RAB11FIP3: variants seen among roughly 807,000 people sequenced by gnomAD.
RAB11FIP3 encodes RAB11 family interacting protein 3, also known as rab11 family-interacting protein 3.
In RAB11FIP3, 17 loss-of-function variants were observed where a neutral mutation model predicts 77.8. The ratio of observed to expected loss-of-function variants is 0.22; its 90% CI spans 0.15 to 0.33. RAB11FIP3 has a LOEUF of 0.33. RAB11FIP3 is among the 10% of genes least tolerant of loss of function. The pLI is 1.00. For synonymous variants in RAB11FIP3, 437 were observed against 448.2 expected, an observed-to-expected ratio of 0.98 and a Z score of 0.31; for missense variants, 1,005 against 1,011.2, an observed-to-expected ratio of 0.99 and a Z score of 0.08.
At chr16:450,310 C>T (rs912612457) in intron 1 of RAB11FIP3, among the ~76,000 whole-genome samples, 1 of 152,060 alleles carries the variant, frequency 6.6e-6, no homozygotes, top group African/African-American at 2.4e-5. Flanking sequence ...GCTGGGACCA[C>T]AAGCATGCAC....
intron 1 of RAB11FIP3, among the ~76,000 whole-genome samples, chr16:456,924 A>G (rs2141632588): frequency 6.6e-6 from 1 of 151,898 alleles, no homozygotes; most frequent in Non-Finnish European, 1.5e-5. Context: ...CTTCAGTGCC[A>G]TTGGGAGATA....
Position 426,233 on chromosome 16 carries a change from C to T in RAB11FIP3, c.227C>T (p.Pro76Leu), listed in dbSNP as rs2054938924. 9.4e-7 allele frequency: 1 copy of T among 1,059,124 alleles called. No individual in the cohort carries two copies. Among genetic ancestry groups the T allele is most frequent in the Non-Finnish European group, 1.1e-6 (1 of 879,332 alleles). 65.6% of individuals were successfully genotyped at this position (1,059,124 alleles called of 1,614,324 possible). A position where few individuals can be genotyped will look rare whatever the true frequency, so the allele number is the denominator to read the frequency against. ...GGARWSAGPA[P>L]GLEGGPRDPG... ...GCGCGTTGGAGCGCCGGGCCGGCCC[C>T]GGGGCTGGAGGGAGGCCCGCGAGAC... Residue 76 changes from proline (P) to leucine (L), a missense_variant, in exon 1 of 14, where the codon CCG (proline) becomes CTG (leucine). Pro to Leu is a moderately conservative substitution (Grantham distance 98, BLOSUM62 -3). This residue lies in a region of RAB11FIP3 where 466 missense variants were observed against 408.3 expected (regional missense o/e 1.14). Transcript: ENST00000262305. This position sits in a 1 kb window ranked among gnomAD's most constrained non-coding sequence, Gnocchi z 5.0.
intron 9 of RAB11FIP3, among the ~76,000 whole-genome samples, chr16:513,475 T>G (rs1006718491): frequency 6.6e-6 from 1 of 152,202 alleles, no homozygotes; most frequent in Non-Finnish European, 1.5e-5. Context: ...CACCTTGGCC[T>G]CTTTTTGTTG....
intron 4 of RAB11FIP3, among the ~76,000 whole-genome samples, chr16:484,339 C>T (rs1050646565): frequency 2.0e-5 from 3 of 151,526 alleles, no homozygotes; most frequent in Non-Finnish European, 4.4e-5. Context: ...CTTGCTGTTG[C>T]GCTTGTGGAT....
chr16:439,469 A>G (rs2055189532), intron 1 of RAB11FIP3: 1 of 152,244 alleles, frequency 6.6e-6, no homozygotes, highest in East Asian at 1.9e-4. Context: ...CATAAGTTTC[A>G]AAACAGGGCT....
At chr16:446,962 G>A (rs1197727688) in intron 1 of RAB11FIP3, among the ~76,000 whole-genome samples, 1 of 149,918 alleles carries the variant, frequency 6.7e-6, no homozygotes, top group East Asian at 2.0e-4. Context: ...GCCTCCCAAA[G>A]TGCTGGGATT....
Position 454,513 on chromosome 16 carries a change from T to C in RAB11FIP3, c.715-6891T>C, listed in dbSNP as rs554198100. Among the ~76,000 whole-genome samples the C allele has an allele frequency of 9.2e-5, 14 of 152,098 alleles. No homozygotes were observed. The South Asian group carries it at 2.9e-3, about 32-fold the overall frequency. On this transcript the variant is annotated intron_variant, in intron 1 of 13. Transcript: ENST00000262305. The stretch of plus-strand genomic sequence containing the variant: ...GATTGGCCGAGTCTAGTCGTTCACA[T>C]CTAGCGTGGGAAACATGTTGTAGAC...
At chr16:452,899 C>T (rs1318757939) in intron 1 of RAB11FIP3, among the ~76,000 whole-genome samples, 6 of 63,420 alleles carry the variant, frequency 9.5e-5, no homozygotes, top group South Asian at 4.7e-4. Context: ...GGACTACAGG[C>T]GCCCGCCACC....
At chr16:496,779 C>T (rs747324905) in intron 5 of RAB11FIP3, 45 bp from the exon 6 acceptor site, 25 of 1,539,378 alleles carry the variant, frequency 1.6e-5, no homozygotes. Context: ...CTGCTCCTCT[C>T]TGTCTGTTCT....
chr16:521,156 C>A lies in RAB11FIP3; in HGVS notation c.*317C>A. The stretch of plus-strand genomic sequence containing the variant: ...AGCCCTGAGTCAAGCTGGCCATGAA[C>A]GCGTACACTTCAGTTCAGCAGGATG... On this transcript the variant is annotated 3_prime_UTR_variant, in exon 14 of 14. Transcript: ENST00000262305. 2.3e-6 allele frequency: 1 copy of A among 443,214 alleles called. No individual in the cohort carries two copies. The highest frequency in any genetic ancestry group is 4.2e-6 in the Non-Finnish European group (1 of 239,656). 27.5% of individuals were successfully genotyped at this position (443,214 alleles called of 1,614,324 possible).
chr16:454,663 T>C (rs2055467052), intron 1 of RAB11FIP3, among the ~76,000 whole-genome samples: 1 of 152,204 alleles, frequency 6.6e-6, no homozygotes, highest in African/African-American at 2.4e-5. Context: ...CCAAGGTCCC[T>C]GAGGCTAATG....
chr16:495,141 A>G (rs1256845531), intron 5 of RAB11FIP3, among the ~76,000 whole-genome samples: 1 of 152,252 alleles, frequency 6.6e-6, no homozygotes, highest in South Asian at 2.1e-4. Context: ...CAAACAAAAA[A>G]TTTAAAAAAT....
intron 1 of RAB11FIP3, among the ~76,000 whole-genome samples, chr16:458,629 A>G (rs943615316): frequency 1.7e-5 from 1 of 60,492 alleles, no homozygotes. Flanking sequence ...CATCTGCCGT[A>G]ACCTGCCTGA....
intron 6 of RAB11FIP3, 24 bp from the exon 7 acceptor site, chr16:502,980 T>C (rs2031613448): frequency 1.3e-6 from 2 of 1,561,350 alleles, no homozygotes; most frequent in African/African-American, 2.7e-5. Context: ...CTTTCTTCCC[T>C]CTGTTGTTGT....
At position 505,686 on chromosome 16, in the gene RAB11FIP3, G is replaced by A. The variant is rs575426711; in HGVS notation, c.1499+59G>A. The A allele has an allele frequency of 6.8e-5, 96 of 1,401,544 alleles. No individual in the cohort carries two copies. The East Asian group carries it at 2.0e-3, about 29-fold the overall frequency. The allele number at this position is 1,401,544 out of a possible 1,614,324, so 86.8% of individuals were successfully genotyped here. A position where few individuals can be genotyped will look rare whatever the true frequency, so the allele number is the denominator to read the frequency against. ...TGGCGCCTCCTGTGCCCGCCTGTCA[G>A]CCCCCATTTACTTCTCTTTACCTCA... is the stretch of plus-strand genomic sequence containing the variant. On this transcript the variant is annotated intron_variant, in intron 8 of 13. Coordinates refer to ENST00000262305, the MANE Select transcript of RAB11FIP3 (RefSeq NM_014700.4). The surrounding 1 kb of genome is among the most constrained non-coding windows in gnomAD (Gnocchi z 4.0).
At chr16:492,540 A>AGGGCCCTCCCC (rs2030655052) in intron 5 of RAB11FIP3, among the ~76,000 whole-genome samples, 2 of 137,798 alleles carry the variant, frequency 1.5e-5, no homozygotes, top group Admixed American at 7.1e-5. Flanking sequence ...GAGGCCGTCC[A>AGGGCCCTCCCC]GAATCTTGGA....
chr16:516,885 A>T (rs532212734), intron 9 of RAB11FIP3, among the ~76,000 whole-genome samples: 4 of 152,186 alleles, frequency 2.6e-5, no homozygotes, highest in African/African-American at 7.2e-5. Flanking sequence ...AATAGAGAAG[A>T]CACAAATCTT....
chr16:450,687 T>C (rs1414498362), intron 1 of RAB11FIP3, among the ~76,000 whole-genome samples: 1 of 152,182 alleles, frequency 6.6e-6, no homozygotes, highest in Non-Finnish European at 1.5e-5. Context: ...GAGTGACATC[T>C]GTAGGTCAGA....
At chr16:492,799 C>T (rs2030702571) in intron 5 of RAB11FIP3, among the ~76,000 whole-genome samples, 2 of 152,172 alleles carry the variant, frequency 1.3e-5, no homozygotes, top group South Asian at 4.1e-4. Flanking sequence ...TGACATAGAA[C>T]TGATTTTTTC....
Sources: allele counts gnomAD v4.1 joint callset (sites outside exome capture counted in the v4.1 genomes callset), GRCh38; gene constraint gnomAD v4.1.1; regional missense constraint gnomAD v4.1.1; non-coding constraint Gnocchi (gnomAD v3.1); transcripts MANE v1.5; gene names NCBI Gene and HGNC (gene_info 2026-07-23, HGNC 2026-07-21).